The following SLC27A6 variants were observed in gnomAD, a reference collection of about 807,000 sequenced individuals.
SLC27A6 encodes long-chain fatty acid transport protein 6.
SLC27A6 carries 74 observed loss-of-function variants against 63.9 expected under a neutral mutation model. The observed-to-expected ratio is 1.16, with a 90% confidence interval of 0.96 to 1.40. SLC27A6 has a LOEUF of 1.40. Ranked by LOEUF, SLC27A6 falls within the 40% of genes most tolerant of loss-of-function variation. SLC27A6 has a pLI of 0.00. For synonymous variants in SLC27A6, 287 were observed against 260.8 expected (o/e 1.10, Z -0.97); for missense variants, 794 against 732.9 (o/e 1.08, Z -0.96).
chr5:128,967,346 G>T (rs1433524455), intron 1 of SLC27A6, among the ~76,000 whole-genome samples: 3 of 152,158 alleles, frequency 2.0e-5, no homozygotes, highest in Non-Finnish European at 4.4e-5. Flanking sequence ...AGGAAGATGG[G>T]TTGCTTAATG....
intron 3 of SLC27A6, 83 bp downstream of exon 3, chr5:128,988,841 G>A (rs1030561069): frequency 2.0e-5 from 23 of 1,147,266 alleles, no homozygotes; most frequent in South Asian, 6.3e-5. Flanking sequence ...AAGCTGTATC[G>A]GTAGAATTTA....
In SLC27A6 at chr5:129,022,942, G is replaced by A. The variant is rs186316229; in HGVS notation, c.1165-678G>A. 7.3e-5 allele frequency among the ~76,000 whole-genome samples: 11 copies of A among 150,742 alleles called. No individual in the cohort carries two copies. In the East Asian group the frequency reaches 1.6e-3, roughly 22 times the overall value. On this transcript the variant is annotated intron_variant, in intron 5 of 9. Transcript: ENST00000262462. Reference sequence around the variant, plus strand: ...TGATGTGATAATATGGACATGATAGGAGCAGAGTAGCTGAAGGGATGAGAG... The same window carrying A: ...TGATGTGATAATATGGACATGATAGAAGCAGAGTAGCTGAAGGGATGAGAG...
intron 4 of SLC27A6, among the ~76,000 whole-genome samples, chr5:129,006,702 A>C (rs1019774489): frequency 2.0e-5 from 3 of 152,168 alleles, no homozygotes; most frequent in Non-Finnish European, 4.4e-5. Context: ...ACAGTAATTT[A>C]TATCACGTAT....
At chr5:129,019,373 C>A (rs1752003056) in intron 5 of SLC27A6, among the ~76,000 whole-genome samples, 1 of 149,424 alleles carries the variant, frequency 6.7e-6, no homozygotes, top group East Asian at 2.0e-4. Context: ...GAAAATGAAT[C>A]TAAATAAAAG....
At chr5:129,013,050 T>C (rs1333606570) in intron 4 of SLC27A6, among the ~76,000 whole-genome samples, 1 of 151,996 alleles carries the variant, frequency 6.6e-6, no homozygotes, top group African/African-American at 2.4e-5. Context: ...ATATTTTTAT[T>C]ATTAGTTTTC....
At chr5:129,003,643 C>A (rs1283729035) in intron 4 of SLC27A6, among the ~76,000 whole-genome samples, 2 of 151,974 alleles carry the variant, frequency 1.3e-5, no homozygotes, top group Admixed American at 6.6e-5. Context: ...TCAAGACCAG[C>A]CTGGGCAATA....
chr5:128,981,848 C>T (rs1315902510), intron 1 of SLC27A6, among the ~76,000 whole-genome samples: 5 of 146,938 alleles, frequency 3.4e-5, no homozygotes, highest in Non-Finnish European at 7.4e-5. Context: ...GAGTCTCACT[C>T]TGTCCCCTAA....
intron 4 of SLC27A6, among the ~76,000 whole-genome samples, chr5:128,994,795 A>G (rs1225758985): frequency 6.6e-6 from 1 of 152,216 alleles, no homozygotes; most frequent in East Asian, 1.9e-4. Context: ...GTTTATGTGT[A>G]GTTGCACAAA....
chr5:128,979,600 A>G (rs1240200805), intron 1 of SLC27A6, among the ~76,000 whole-genome samples: 1 of 152,228 alleles, frequency 6.6e-6, no homozygotes. Flanking sequence ...CAGATGCAAC[A>G]TGCCTTCTTG....
At chr5:129,020,353 A>G (rs1752034970) in intron 5 of SLC27A6, among the ~76,000 whole-genome samples, 1 of 152,192 alleles carries the variant, frequency 6.6e-6, no homozygotes, top group Non-Finnish European at 1.5e-5. Context: ...TTAGAAATGA[A>G]AGAATCACCT....
chr5:129,032,221 G>A (rs1181967), intron 9 of SLC27A6, among the ~76,000 whole-genome samples: 118,599 of 151,944 alleles, frequency 0.78, 46,586 homozygotes, highest in East Asian at 0.99. Flanking sequence ...AAACAGATTG[G>A]TAAGTATTTA....
chr5:129,023,561 A>G (rs1389872365), intron 5 of SLC27A6, 59 bp from the exon 6 acceptor site: 60 of 1,221,472 alleles, frequency 4.9e-5, no homozygotes, highest in Non-Finnish European at 6.7e-5. Flanking sequence ...TTGTACAAGT[A>G]ACTAAATGCA....
chr5:128,966,448 A>G lies in SLC27A6; in HGVS notation c.311A>G (p.Lys104Arg), dbSNP rs914537861. ...TTCCTGAACCATTCCTCTCTGAAAA[A>G]GGGGGACACGGTGGCTCTGCTGATG... The part of the protein sequence containing the change: ...HVFLNHSSLK[K>R]GDTVALLMSN... The change falls in exon 1 of 10, where the codon AAG becomes AGG. Residue 104 changes from lysine to arginine, a missense_variant. Lys to Arg is a conservative substitution (Grantham distance 26). Transcript: ENST00000262462. 6.2e-7 allele frequency: 1 copy of G among 1,606,004 alleles called. No homozygotes were observed. The highest frequency in any genetic ancestry group is 8.5e-7 in the Non-Finnish European group (1 of 1,176,568).
intron 1 of SLC27A6, among the ~76,000 whole-genome samples, chr5:128,973,160 C>T (rs1230759333): frequency 1.3e-5 from 2 of 152,218 alleles, no homozygotes; most frequent in East Asian, 3.9e-4. Context: ...CAGAGGGGCA[C>T]CTGCTTGTAT....
intron 4 of SLC27A6, among the ~76,000 whole-genome samples, chr5:128,994,705 G>A (rs1288828338): frequency 2.0e-5 from 3 of 152,172 alleles, no homozygotes; most frequent in Non-Finnish European, 4.4e-5. Flanking sequence ...AATAGATTCA[G>A]ATTTGTTGAC....
chr5:128,984,981 A>G lies in SLC27A6; in HGVS notation c.482-152A>G, dbSNP rs116521108. The G allele has an allele frequency of 1.2e-3, 760 of 632,304 alleles. 4 individuals are homozygous for G. In the African/African-American group the frequency reaches 0.013, roughly 11 times the overall value. 39.2% of individuals were successfully genotyped at this position (632,304 alleles called of 1,614,324 possible). A position where few individuals can be genotyped will look rare whatever the true frequency, so the allele number is the denominator to read the frequency against. On this transcript the variant is annotated intron_variant, in intron 1 of 9. Coordinates refer to ENST00000262462, the MANE Select transcript of SLC27A6 (RefSeq NM_001017372.3). ...CAGTTGGTCCTGTTGAAACGGAACC[A>G]TAAAATGACTGTGATATTACTTATC...
chr5:128,973,534 G>A (rs371524306), intron 1 of SLC27A6, among the ~76,000 whole-genome samples: 2 of 152,202 alleles, frequency 1.3e-5, no homozygotes, highest in Non-Finnish European at 2.9e-5. Flanking sequence ...TCGGACTGCT[G>A]TGCTAGCAGT....
intron 1 of SLC27A6, among the ~76,000 whole-genome samples, chr5:128,967,882 G>A (rs1372072575): frequency 6.6e-6 from 1 of 151,980 alleles, no homozygotes; most frequent in Non-Finnish European, 1.5e-5. Context: ...ATTTACATTA[G>A]GTATTCCTCC....
chr5:128,971,764 T>A (rs1163851960), intron 1 of SLC27A6, among the ~76,000 whole-genome samples: 1 of 152,194 alleles, frequency 6.6e-6, no homozygotes, highest in Non-Finnish European at 1.5e-5. Context: ...CCATTTACAT[T>A]TAATGCTAAT....
Sources: allele counts gnomAD v4.1 joint callset (sites outside exome capture counted in the v4.1 genomes callset), GRCh38; gene constraint gnomAD v4.1.1; transcripts MANE v1.5; gene names NCBI Gene and HGNC (gene_info 2026-07-23, HGNC 2026-07-21).